MDFIC: variants seen among roughly 807,000 people sequenced by gnomAD.
MDFIC encodes MyoD family inhibitor domain containing.
In MDFIC, 17 loss-of-function variants were observed where a neutral mutation model predicts 23.2. The ratio of observed to expected loss-of-function variants is 0.73; its 90% CI spans 0.50 to 1.10. The LOEUF is 1.10. MDFIC is among the 50% of genes least tolerant of loss of function. The probability of loss-of-function intolerance (pLI) is 0.00; values close to 1 mark genes in which losing one functional copy is unlikely to be tolerated. For missense variants in MDFIC, 356 were observed against 316.6 expected (o/e 1.12, Z -0.95); for synonymous variants, 120 against 115.2 (o/e 1.04, Z -0.27).
At chr7:114,975,302 A>G (rs563792603) in intron 3 of MDFIC, among the ~76,000 whole-genome samples, 3 of 152,136 alleles carry the variant, frequency 2.0e-5, no homozygotes, top group Non-Finnish European at 2.9e-5. Context: ...AAAACAACTC[A>G]TAAGTTCTAC....
At chr7:114,939,439 T>C (rs1792495570) in intron 2 of MDFIC, among the ~76,000 whole-genome samples, 1 of 152,204 alleles carries the variant, frequency 6.6e-6, no homozygotes, top group Non-Finnish European at 1.5e-5. Flanking sequence ...AATATAATCA[T>C]ACAGAGAATG....
intron 4 of MDFIC, chr7:115,014,089 T>C: frequency 1.0e-6 from 1 of 985,406 alleles, no homozygotes; most frequent in Non-Finnish European, 1.2e-6. Flanking sequence ...GAGTACTCTC[T>C]GACCCTTCCT....
chr7:114,973,013 C>T (rs1428990274), intron 3 of MDFIC, among the ~76,000 whole-genome samples: 1 of 151,474 alleles, frequency 6.6e-6, no homozygotes, highest in Non-Finnish European at 1.5e-5. Flanking sequence ...TATTTTTAGC[C>T]GATCATCATT....
intron 4 of MDFIC, 94 bp from the exon 5 acceptor site, chr7:115,015,594 T>C (rs1321469662): frequency 2.0e-6 from 3 of 1,487,206 alleles, no homozygotes; most frequent in African/African-American, 2.8e-5. Context: ...ATTACTTAAC[T>C]ATTTTGCTCA....
intron 3 of MDFIC, among the ~76,000 whole-genome samples, chr7:114,949,752 G>A (rs570330350): frequency 6.7e-5 from 10 of 149,390 alleles, no homozygotes; most frequent in Admixed American, 6.1e-4. Flanking sequence ...GTGGGGAAGT[G>A]CAGGCTGTAG....
At position 115,017,434 on chromosome 7, in the gene MDFIC, C is replaced by T. The variant is rs1791816748; in HGVS notation, c.*1499C>T. On this transcript the variant is annotated 3_prime_UTR_variant, in exon 5 of 5. Coordinates refer to ENST00000393486, the MANE Select transcript of MDFIC (RefSeq NM_001166345.3). ...GCTTTAGGTCTTTTTGGGATGAGAA[C>T]ATTTTAGTTGTTTAGTTTGTTTCTT... The T allele has an allele frequency of 6.6e-6, 1 of 152,328 alleles. No homozygotes were observed. The highest frequency in any genetic ancestry group is 2.4e-5 in the African/African-American group (1 of 41,408). The allele number at this position is 152,328 out of a possible 1,614,324, so 9.4% of individuals were successfully genotyped here. A position where few individuals can be genotyped will look rare whatever the true frequency, so the allele number is the denominator to read the frequency against.
chr7:114,924,301 G>A (rs189908724), intron 2 of MDFIC, among the ~76,000 whole-genome samples: 5 of 152,190 alleles, frequency 3.3e-5, no homozygotes, highest in Non-Finnish European at 5.9e-5. Context: ...CATTAGGCAT[G>A]CCCTTAGTAG....
intron 2 of MDFIC, among the ~76,000 whole-genome samples, chr7:114,925,841 A>G (rs1044565758): frequency 1.3e-5 from 2 of 152,188 alleles, no homozygotes; most frequent in Admixed American, 6.5e-5. Flanking sequence ...AACAACCACA[A>G]CTGTAGGCTG....
At chr7:115,014,102 T>A in intron 4 of MDFIC, 2 of 985,398 alleles carry the variant, frequency 2.0e-6, no homozygotes, top group Non-Finnish European at 2.4e-6. Flanking sequence ...CCCTTCCTCC[T>A]TTTCACCATC....
intron 2 of MDFIC, among the ~76,000 whole-genome samples, chr7:114,930,270 T>A (rs1242528866): frequency 1.3e-5 from 2 of 152,194 alleles, no homozygotes; most frequent in Non-Finnish European, 2.9e-5. Context: ...GAATGGATTT[T>A]GCAATTAGCA....
rs1269160353 is a variant in MDFIC, at chr7:114,942,318, T to G, written c.138T>G (p.Ala46=). 6.3e-7 allele frequency: 1 copy of G among 1,591,196 alleles called. No individual in the cohort carries two copies. ...KDNTEKDITQ[A]TNSHFTHGEM... ...ATACTGAGAAAGATATAACTCAAGCTACCAATAGCCACTTCACACATGGAG... is the reference window on the plus strand; with the variant it reads ...ATACTGAGAAAGATATAACTCAAGCGACCAATAGCCACTTCACACATGGAG... Residue 46 remains alanine, a synonymous_variant, in exon 3 of 5, where the codon GCT becomes GCG. Transcript: ENST00000393486.
intron 4 of MDFIC, among the ~76,000 whole-genome samples, chr7:115,005,412 G>A (rs1255774507): frequency 1.3e-5 from 2 of 152,178 alleles, no homozygotes; most frequent in Non-Finnish European, 2.9e-5. Context: ...ACAAACAGCT[G>A]TAACAACCAC....
intron 4 of MDFIC, among the ~76,000 whole-genome samples, chr7:114,986,632 A>G (rs1042832026): frequency 1.3e-5 from 2 of 151,914 alleles, no homozygotes; most frequent in African/African-American, 4.8e-5. Flanking sequence ...CAGGTGAAAC[A>G]CTGCTGAATG....
chr7:114,982,533 G>GAA (rs111831668), intron 4 of MDFIC, among the ~76,000 whole-genome samples: 3 of 145,254 alleles, frequency 2.1e-5, no homozygotes, highest in African/African-American at 7.6e-5. Context: ...CTACAAAAAA[G>GAA]AAAAAAAAAA....
intron 4 of MDFIC, among the ~76,000 whole-genome samples, chr7:114,998,866 G>T (rs1489015234): frequency 6.6e-6 from 1 of 152,076 alleles, no homozygotes; most frequent in Non-Finnish European, 1.5e-5. Flanking sequence ...GATTTCAAAG[G>T]AATAGGAACA....
intron 3 of MDFIC, among the ~76,000 whole-genome samples, chr7:114,945,041 T>A (rs1273848020): frequency 6.6e-6 from 1 of 152,182 alleles, no homozygotes; most frequent in Non-Finnish European, 1.5e-5. Flanking sequence ...TTTCCAAACT[T>A]CCATGGGGCA....
intron 4 of MDFIC, among the ~76,000 whole-genome samples, chr7:114,996,593 A>G (rs1431779536): frequency 6.6e-6 from 1 of 152,146 alleles, no homozygotes; most frequent in Admixed American, 6.5e-5. Context: ...GCAGCTTGAG[A>G]TATGTTTTGT....
At chr7:115,012,719 T>C (rs1425430577) in intron 4 of MDFIC, among the ~76,000 whole-genome samples, 3 of 152,156 alleles carry the variant, frequency 2.0e-5, no homozygotes, top group African/African-American at 7.2e-5. Flanking sequence ...GGCTCAGACC[T>C]GTAATCCCAG....
At chr7:114,937,185 C>T (rs939934657) in intron 2 of MDFIC, among the ~76,000 whole-genome samples, 5 of 151,916 alleles carry the variant, frequency 3.3e-5, no homozygotes, top group African/African-American at 4.8e-5. Flanking sequence ...TCTCCTTTAC[C>T]AGGAAGAATT....
Sources: allele counts gnomAD v4.1 joint callset (sites outside exome capture counted in the v4.1 genomes callset), GRCh38; gene constraint gnomAD v4.1.1; transcripts MANE v1.5; gene names NCBI Gene and HGNC (gene_info 2026-07-23, HGNC 2026-07-21).